The following MARCHF11 variants were observed in gnomAD, a reference collection of about 807,000 sequenced individuals.
MARCHF11 encodes membrane associated ring-CH-type finger 11, also known as E3 ubiquitin-protein ligase MARCHF11.
A neutral mutation model predicts 37.3 loss-of-function variants in MARCHF11; 29 were observed. The ratio of observed to expected loss-of-function variants is 0.78; its 90% CI spans 0.58 to 1.06. The LOEUF is 1.06. MARCHF11 is among the 50% of genes least tolerant of loss of function. The pLI is 0.00. For missense variants in MARCHF11, 482 were observed against 533.4 expected, an observed-to-expected ratio of 0.90 and a Z score of 0.95; for synonymous variants, 233 against 228.0, an observed-to-expected ratio of 1.02 and a Z score of -0.20.
At chr5:16,127,344 C>T (rs1205212185) in intron 2 of MARCHF11, among the ~76,000 whole-genome samples, 1 of 152,162 alleles carries the variant, frequency 6.6e-6, no homozygotes, top group African/African-American at 2.4e-5. Context: ...CCATAAAAAA[C>T]ATCTTATGTG....
At chr5:16,157,075 C>T (rs571401531) in intron 2 of MARCHF11, among the ~76,000 whole-genome samples, 1 of 151,876 alleles carries the variant, frequency 6.6e-6, no homozygotes, top group African/African-American at 2.4e-5. Flanking sequence ...ACGCAGTGAA[C>T]TATTTGAAAA....
At chr5:16,153,484 T>C (rs1221129516) in intron 2 of MARCHF11, among the ~76,000 whole-genome samples, 6 of 151,924 alleles carry the variant, frequency 3.9e-5, no homozygotes, top group African/African-American at 9.7e-5. Flanking sequence ...CCAAAGAAGC[T>C]CTTAAGAAAG....
chr5:16,164,027 C>G (rs886604724), intron 2 of MARCHF11, among the ~76,000 whole-genome samples: 1 of 152,064 alleles, frequency 6.6e-6, no homozygotes, highest in African/African-American at 2.4e-5. Context: ...TGGGCCCTCA[C>G]CAGACACCAA....
intron 2 of MARCHF11, among the ~76,000 whole-genome samples, chr5:16,157,340 A>T (rs1337753665): frequency 6.6e-6 from 1 of 151,976 alleles, no homozygotes; most frequent in African/African-American, 2.4e-5. Context: ...ATAGAAAAAA[A>T]ATCCTAAAAT....
At chr5:16,163,750 A>G (rs1438222772) in intron 2 of MARCHF11, among the ~76,000 whole-genome samples, 2 of 152,086 alleles carry the variant, frequency 1.3e-5, no homozygotes, top group Non-Finnish European at 2.9e-5. Context: ...TCTAAAATTT[A>G]TAGGTTAAAA....
intron 2 of MARCHF11, among the ~76,000 whole-genome samples, chr5:16,091,461 T>C (rs1169702452): frequency 6.6e-6 from 1 of 152,216 alleles, no homozygotes; most frequent in East Asian, 1.9e-4. Flanking sequence ...GTAATTTAGT[T>C]TGCTCTTAAT....
chr5:16,160,473 G>A (rs1018271073), intron 2 of MARCHF11, among the ~76,000 whole-genome samples: 4 of 148,276 alleles, frequency 2.7e-5, no homozygotes, highest in Admixed American at 6.8e-5. Context: ...TTTGCCACTA[G>A]ATGTTATAAT....
At chr5:16,070,596 A>C (rs1329702432) in intron 3 of MARCHF11, among the ~76,000 whole-genome samples, 1 of 152,222 alleles carries the variant, frequency 6.6e-6, no homozygotes, top group Non-Finnish European at 1.5e-5. Context: ...CAGAAATCAG[A>C]TCACTTACTA....
chr5:16,171,282 C>T (rs1002728070), intron 2 of MARCHF11, among the ~76,000 whole-genome samples: 3 of 143,028 alleles, frequency 2.1e-5, no homozygotes, highest in Non-Finnish European at 4.6e-5. Flanking sequence ...AGCTAAGTTG[C>T]CACCGTTTTC....
intron 2 of MARCHF11, among the ~76,000 whole-genome samples, chr5:16,158,656 T>C (rs1181207843): frequency 6.6e-6 from 1 of 151,974 alleles, no homozygotes; most frequent in Non-Finnish European, 1.5e-5. Context: ...AGGAGATCTA[T>C]TGTGCAACAT....
At chr5:16,083,295 A>T (rs771637697) in intron 3 of MARCHF11, among the ~76,000 whole-genome samples, 2 of 152,180 alleles carry the variant, frequency 1.3e-5, no homozygotes, top group Non-Finnish European at 2.9e-5. Flanking sequence ...GAAAGAGCTT[A>T]GTCTACTCAG....
chr5:16,090,947 C>T lies in MARCHF11; in HGVS notation c.828G>A (p.Lys276=), dbSNP rs1736781335. The T allele has an allele frequency of 2.5e-6, 4 of 1,611,356 alleles. No individual in the cohort carries two copies. Among genetic ancestry groups the T allele is most frequent in the Non-Finnish European group, 3.4e-6 (4 of 1,179,342 alleles). Residue 276 remains lysine (K), a synonymous_variant, in exon 3 of 4, where the codon AAG becomes AAA. Transcript: ENST00000332432. ...AFSPYAVWQR[K]DILFQICYGM... The stretch of plus-strand genomic sequence containing the variant: ...CATAGCAGATCTGAAAAAGGATGTC[C>T]TTCCTCTGCCACACTGCATAGGGGC...
chr5:16,086,208 T>C (rs1736696113), intron 3 of MARCHF11, among the ~76,000 whole-genome samples: 1 of 152,104 alleles, frequency 6.6e-6, no homozygotes, highest in Non-Finnish European at 1.5e-5. Flanking sequence ...CCATGTACAG[T>C]ATGATCTCAC....
intron 2 of MARCHF11, among the ~76,000 whole-genome samples, chr5:16,152,369 T>C (rs1737903396): frequency 6.6e-6 from 1 of 151,992 alleles, no homozygotes; most frequent in Non-Finnish European, 1.5e-5. Context: ...AGTATATCCA[T>C]AATATGAAAG....
intron 2 of MARCHF11, among the ~76,000 whole-genome samples, chr5:16,123,936 A>C (rs535393734): frequency 5.3e-4 from 80 of 152,340 alleles, no homozygotes; most frequent in Non-Finnish European, 9.4e-4. Flanking sequence ...TCAATGGGAT[A>C]GAACATTTAA....
chr5:16,108,506 G>A (rs917677481), intron 2 of MARCHF11, among the ~76,000 whole-genome samples: 5 of 152,234 alleles, frequency 3.3e-5, no homozygotes, highest in African/African-American at 1.2e-4. Flanking sequence ...ACAGAACTTG[G>A]AAGGTCATGT....
chr5:16,111,919 C>T (rs1402315664), intron 2 of MARCHF11, among the ~76,000 whole-genome samples: 1 of 152,192 alleles, frequency 6.6e-6, no homozygotes, highest in African/African-American at 2.4e-5. Context: ...ACAGCTTGGG[C>T]CATGGCTTCA....
chr5:16,147,571 T>C (rs927800584), intron 2 of MARCHF11, among the ~76,000 whole-genome samples: 1 of 152,140 alleles, frequency 6.6e-6, no homozygotes. Context: ...CTCTGGGAGC[T>C]TGGCTACCTC....
chr5:16,148,897 T>G (rs1163722781), intron 2 of MARCHF11, among the ~76,000 whole-genome samples: 1 of 152,148 alleles, frequency 6.6e-6, no homozygotes, highest in Non-Finnish European at 1.5e-5. Context: ...TCTCAATAGT[T>G]CTCAGATAAA....
Sources: allele counts gnomAD v4.1 joint callset (sites outside exome capture counted in the v4.1 genomes callset), GRCh38; gene constraint gnomAD v4.1.1; transcripts MANE v1.5; gene names NCBI Gene and HGNC (gene_info 2026-07-23, HGNC 2026-07-21).